The following MAP3K10 variants were observed in gnomAD, a reference collection of about 807,000 sequenced individuals.
The protein encoded by MAP3K10 is MKN28 derived nonreceptor_type serine/threonine kinase.
MAP3K10 carries 22 observed loss-of-function variants against 75.0 expected under a neutral mutation model. The observed-to-expected ratio is 0.29, with a 90% confidence interval of 0.21 to 0.42. The LOEUF (loss-of-function observed/expected upper bound fraction) is 0.42, where lower values mean the gene tolerates loss of function less well. Ranked by LOEUF, MAP3K10 falls within the 10% of genes least tolerant of loss-of-function variation. MAP3K10 has a pLI of 1.00. For synonymous variants in MAP3K10, 599 were observed against 612.9 expected (o/e 0.98, Z 0.34); for missense variants, 1,165 against 1,379.8 (o/e 0.84, Z 2.47).
rs1021441150 is a variant in MAP3K10, at chr19:40,204,726, G to C, written c.1012+93G>C. The C allele has an allele frequency of 2.1e-6, 3 of 1,444,588 alleles. No individual in the cohort carries two copies. In the African/African-American group the frequency reaches 4.2e-5, roughly 20 times the overall value. The allele number at this position is 1,444,588 out of a possible 1,614,324, so 89.5% of individuals were successfully genotyped here. ...TTCCCCTTCACACCTATCCATACCA[G>C]TGGGCCCAGGAGTGAGGAAGAAGGG... On this transcript the variant is annotated intron_variant, in intron 3 of 9. Coordinates refer to ENST00000253055, the MANE Select transcript of MAP3K10 (RefSeq NM_002446.4). This position sits in a 1 kb window ranked among gnomAD's most constrained non-coding sequence, Gnocchi z 4.3.
chr19:40,204,764 T>C lies in MAP3K10; in HGVS notation c.1012+131T>C. On this transcript the variant is annotated intron_variant, in intron 3 of 9. Transcript: ENST00000253055. The surrounding 1 kb of genome is among the most constrained non-coding windows in gnomAD (Gnocchi z 4.3). ...TGAGGAAGAAGGGGCTGGAACCCAC[T>C]GGACTCTAAACAGCCTCCCCATGGT... 2.6e-6 allele frequency: 3 copies of C among 1,156,948 alleles called. No homozygotes were observed. Among genetic ancestry groups the C allele is most frequent in the Non-Finnish European group, 2.4e-6 (2 of 841,462 alleles). 71.7% of individuals were successfully genotyped at this position (1,156,948 alleles called of 1,614,324 possible).
chr19:40,204,183 CT>C lies in MAP3K10; in HGVS notation c.864-301del, dbSNP rs747842255. Among the ~76,000 whole-genome samples, 1 of 152,148 alleles carries C rather than the reference CT, an allele frequency of 6.6e-6. No individual in the cohort carries two copies. The highest frequency in any genetic ancestry group is 1.5e-5 in the Non-Finnish European group (1 of 68,030). ...ACCAGCCTGGGCAACATAGTGAGAC[CT>C]CCATCTCTACAAAAATAAAAATAAG... On this transcript the variant is annotated intron_variant, in intron 2 of 9. Coordinates refer to ENST00000253055, the MANE Select transcript of MAP3K10 (RefSeq NM_002446.4). This position sits in a 1 kb window ranked among gnomAD's most constrained non-coding sequence, Gnocchi z 4.3.
Position 40,214,059 on chromosome 19 carries a change from CT to C in MAP3K10, c.2381del (p.Leu794ArgfsTer28), listed in dbSNP as rs1258144337. On this transcript the variant is annotated frameshift_variant, in exon 9 of 10. Coordinates refer to ENST00000253055, the MANE Select transcript of MAP3K10 (RefSeq NM_002446.4). LOFTEE classifies it high-confidence loss of function. ...CACGCCCTCGCCCAGCACCAACCCCCTGGTGGACCTGGAGCTGGAGAGCTTC... is the reference window on the plus strand; with the variant it reads ...CACGCCCTCGCCCAGCACCAACCCCCGGTGGACCTGGAGCTGGAGAGCTTC... ...TPTPSPSTNP[L>X]VDLELESFKK... is the part of the protein sequence containing the mutation. The C allele has an allele frequency of 1.3e-6, 2 of 1,548,862 alleles. No homozygotes were observed. Among genetic ancestry groups the C allele is most frequent in the Non-Finnish European group, 1.7e-6 (2 of 1,155,254 alleles).
chr19:40,201,061 T>C (rs532316785), intron 2 of MAP3K10, among the ~76,000 whole-genome samples: 1 of 151,962 alleles, frequency 6.6e-6, no homozygotes, highest in Non-Finnish European at 1.5e-5. Flanking sequence ...GAGAGAGGGG[T>C]GGATCATGCT....
rs1037655563 is a variant in MAP3K10 at position 40,198,783 on chromosome 19, C to A, written c.863+228C>A. ...ATAAAAAGCTCATAGGATCTAGAGA[C>A]AAGGCCGGGCGCGGGGGCGCACACC... is the stretch of plus-strand genomic sequence containing the variant. On this transcript the variant is annotated intron_variant, in intron 2 of 9. Transcript: ENST00000253055. This position sits in a 1 kb window ranked among gnomAD's most constrained non-coding sequence, Gnocchi z 4.3. Among the ~76,000 whole-genome samples the A allele has an allele frequency of 6.6e-6, 1 of 152,216 alleles. No individual in the cohort carries two copies. The highest frequency in any genetic ancestry group is 2.4e-5 in the African/African-American group (1 of 41,466).
At position 40,208,622 on chromosome 19, in the gene MAP3K10, G is replaced by T. The variant is rs116733811; in HGVS notation, c.1436-481G>T. ...GGAGGCGGATGCTGGAGGATTGCTC[G>T]AGGCCAAGAGTTCAAGACCAGCCTG... On this transcript the variant is annotated intron_variant, in intron 5 of 9. Coordinates refer to ENST00000253055, the MANE Select transcript of MAP3K10 (RefSeq NM_002446.4). Among the ~76,000 whole-genome samples the T allele has an allele frequency of 5.4e-3, 811 of 151,252 alleles. 14 individuals are homozygous for T. Among genetic ancestry groups the T allele is most frequent in the African/African-American group, 0.019 (769 of 41,272 alleles).
chr19:40,192,128 G>C lies in MAP3K10; in HGVS notation c.97G>C (p.Glu33Gln). The C allele has an allele frequency of 6.3e-7, 1 of 1,581,146 alleles. No individual in the cohort carries two copies. Among genetic ancestry groups the C allele is most frequent in the Non-Finnish European group, 8.6e-7 (1 of 1,166,404 alleles). Residue 33 changes from glutamate to glutamine, a missense_variant, in exon 1 of 10, where the codon GAG becomes CAG. Physicochemically the swap from Glu to Gln is conservative, Grantham distance 29. Coordinates refer to ENST00000253055, the MANE Select transcript of MAP3K10 (RefSeq NM_002446.4). This position sits in a 1 kb window ranked among gnomAD's most constrained non-coding sequence, Gnocchi z 7.1. ...AVFDYEAAGD[E>Q]ELTLRRGDRV... is the part of the protein sequence containing the mutation. The stretch of plus-strand genomic sequence containing the variant: ...GTTCGACTACGAGGCGGCGGGCGAC[G>C]AGGAGCTGACCCTGCGGAGGGGCGA...
intron 1 of MAP3K10, among the ~76,000 whole-genome samples, chr19:40,197,555 AC>A (rs1972930585): frequency 6.6e-6 from 1 of 151,388 alleles, no homozygotes; most frequent in Non-Finnish European, 1.5e-5. Flanking sequence ...CGAACTCCTG[AC>A]CTCAAGTGAT....
chr19:40,213,864 G>A lies in MAP3K10; in HGVS notation c.2185G>A (p.Gly729Ser). Reference protein sequence around the residue: ...RGLSPPARPHGRREDVGPGLG... With the variant: ...RGLSPPARPHSRREDVGPGLG... ...CCTCAGCCCACCCGCGCGTCCCCAC[G>A]GCCGCCGCGAAGACGTGGGCCCCGG... Residue 729 changes from glycine (G) to serine (S), a missense_variant, in exon 9 of 10, where the codon GGC (glycine) becomes AGC (serine). Physicochemically the swap from Gly to Ser is moderately conservative, Grantham distance 56. This residue lies in a region of MAP3K10 where 590 missense variants were observed against 586.6 expected (regional missense o/e 1.01). Transcript: ENST00000253055. This position sits in a 1 kb window ranked among gnomAD's most constrained non-coding sequence, Gnocchi z 5.7. 2 of 1,405,214 alleles carry A rather than the reference G, an allele frequency of 1.4e-6. No individual in the cohort carries two copies. Among genetic ancestry groups the A allele is most frequent in the Non-Finnish European group, 1.8e-6 (2 of 1,086,254 alleles). The allele number at this position is 1,405,214 out of a possible 1,614,324, so 87.0% of individuals were successfully genotyped here. A position where few individuals can be genotyped will look rare whatever the true frequency, so the allele number is the denominator to read the frequency against.
rs1050322732 is a variant in MAP3K10, at chr19:40,205,194, G to C, written c.1086G>C (p.Gln362His). 2.5e-6 allele frequency: 4 copies of C among 1,614,132 alleles called. No individual in the cohort carries two copies. Among genetic ancestry groups the C allele is most frequent in the Non-Finnish European group, 3.4e-6 (4 of 1,180,036 alleles). The change falls in exon 4 of 10, where the codon CAG (glutamine) becomes CAC (histidine). Residue 362 changes from glutamine (Q) to histidine (H), a missense_variant. Gln to His is a conservative substitution (Grantham distance 24). Transcript: ENST00000253055. The surrounding 1 kb of genome is among the most constrained non-coding windows in gnomAD (Gnocchi z 4.3). ...TGAAGCGGCTTGAAGTCATCGAACAGTCAGCCCTGTTCCAGATGCCACTGG... is the reference window on the plus strand; with the variant it reads ...TGAAGCGGCTTGAAGTCATCGAACACTCAGCCCTGTTCCAGATGCCACTGG... ...SILKRLEVIEQSALFQMPLES... is the reference protein window; with the variant it reads ...SILKRLEVIEHSALFQMPLES...
At chr19:40,208,091 A>G (rs1157850021) in intron 5 of MAP3K10, among the ~76,000 whole-genome samples, 3 of 152,146 alleles carry the variant, frequency 2.0e-5, no homozygotes, top group African/African-American at 4.8e-5. Flanking sequence ...GTACATATAC[A>G]TACCCAAGTT....
At chr19:40,200,153 G>A (rs1387386478) in intron 2 of MAP3K10, among the ~76,000 whole-genome samples, 1 of 152,216 alleles carries the variant, frequency 6.6e-6, no homozygotes, top group Non-Finnish European at 1.5e-5. Context: ...ACAAAAATTA[G>A]CCAGGCATGG....
chr19:40,215,407 T>C lies in MAP3K10; in HGVS notation c.*115T>C. ...CTGGGCAGGATGTTCACTCTATTTATTGGGGAAGGAGGGAGGGGGGGGACA... is the reference window on the plus strand; with the variant it reads ...CTGGGCAGGATGTTCACTCTATTTACTGGGGAAGGAGGGAGGGGGGGGACA... On this transcript the variant is annotated 3_prime_UTR_variant, in exon 10 of 10. Coordinates refer to ENST00000253055, the MANE Select transcript of MAP3K10 (RefSeq NM_002446.4). The C allele has an allele frequency of 4.1e-6, 4 of 966,798 alleles. No individual in the cohort carries two copies. The highest frequency in any genetic ancestry group is 6.0e-6 in the Non-Finnish European group (4 of 663,802). 59.9% of individuals were successfully genotyped at this position (966,798 alleles called of 1,614,324 possible).
Position 40,213,622 on chromosome 19 carries a change from C to A in MAP3K10, c.1943C>A (p.Ala648Glu). ...VPLPAEPSPG[A>E]RAPWEPTPSA... is the part of the protein sequence containing the mutation. Reference sequence around the variant, plus strand: ...CTGCCTGCCGAGCCCTCCCCGGGGGCGCGGGCGCCGTGGGAGCCGACGCCG... The same window carrying A: ...CTGCCTGCCGAGCCCTCCCCGGGGGAGCGGGCGCCGTGGGAGCCGACGCCG... Residue 648 changes from alanine to glutamate, a missense_variant, in exon 9 of 10, where the codon GCG (alanine) becomes GAG (glutamate). This residue lies in a region of MAP3K10 where 590 missense variants were observed against 586.6 expected (regional missense o/e 1.01). Coordinates refer to ENST00000253055, the MANE Select transcript of MAP3K10 (RefSeq NM_002446.4). The surrounding 1 kb of genome is among the most constrained non-coding windows in gnomAD (Gnocchi z 5.7). 1.3e-6 allele frequency: 2 copies of A among 1,537,866 alleles called. No individual in the cohort carries two copies. Among genetic ancestry groups the A allele is most frequent in the East Asian group, 2.6e-5 (1 of 37,946 alleles).
intron 2 of MAP3K10, among the ~76,000 whole-genome samples, chr19:40,201,179 T>TTTG (rs2068488483): frequency 6.6e-6 from 1 of 150,540 alleles, no homozygotes; most frequent in African/African-American, 2.4e-5. Context: ...TTTTTGTTTT[T>TTTG]TTTTTTTTTT....
intron 2 of MAP3K10, among the ~76,000 whole-genome samples, chr19:40,203,569 C>T (rs1332903532): frequency 6.6e-6 from 1 of 152,186 alleles, no homozygotes; most frequent in African/African-American, 2.4e-5. Context: ...TGTGGCTCCA[C>T]CACTCACTAG....
Position 40,212,932 on chromosome 19 carries a change from G to A in MAP3K10, c.1680G>A (p.Gly560=), listed in dbSNP as rs1259666125. 28 of 1,612,134 alleles carry A rather than the reference G, an allele frequency of 1.7e-5. No homozygotes were observed. Among genetic ancestry groups the A allele is most frequent in the Non-Finnish European group, 2.4e-5 (28 of 1,179,150 alleles). The change falls in exon 7 of 10, where the codon GGG becomes GGA. Residue 560 remains glycine, a synonymous_variant. Transcript: ENST00000253055. The surrounding 1 kb of genome is among the most constrained non-coding windows in gnomAD (Gnocchi z 4.2). ...GCAAGAAGAAGGGACGAACGTGGGG[G>A]CCCAGCTCCACCCTGCAGAAGGAGC... ...VGGKKKGRTW[G]PSSTLQKERV... is the part of the protein sequence containing the mutation.
intron 2 of MAP3K10, among the ~76,000 whole-genome samples, chr19:40,202,125 C>A (rs1247291140): frequency 6.6e-6 from 1 of 152,154 alleles, no homozygotes; most frequent in Admixed American, 6.6e-5. Context: ...ACTGCAAGCT[C>A]CGCCTCCTGG....
intron 6 of MAP3K10, 78 bp downstream of exon 6, chr19:40,209,297 C>T: frequency 2.7e-6 from 3 of 1,111,922 alleles, no homozygotes; most frequent in Non-Finnish European, 4.0e-6. Context: ...ATACCTGGCA[C>T]CAAGCCAGAG....
Sources: gnomAD v4.1 joint callset for allele counts (sites outside exome capture counted in the v4.1 genomes callset) on GRCh38, gnomAD v4.1.1 for gene constraint, gnomAD v4.1.1 regional missense constraint, Gnocchi (gnomAD v3.1) non-coding constraint, MANE v1.5 for transcripts, NCBI Gene and HGNC (gene_info 2026-07-23, HGNC 2026-07-21) for gene names.